DIS3L2: variants seen among roughly 807,000 people sequenced by gnomAD.
DIS3L2 encodes the protein DIS3 like 3'-5' exoribonuclease 2.
Under a neutral mutation model 97.5 loss-of-function variants are expected in DIS3L2, and 34 were observed. That is an observed-to-expected ratio of 0.35 (90% CI 0.27 to 0.46). The LOEUF is 0.46. DIS3L2 is among the 20% of genes least tolerant of loss of function. The pLI is 1.00. For synonymous variants in DIS3L2, 435 were observed against 445.2 expected (o/e 0.98, Z 0.29); for missense variants, 1,038 against 1,146.0 (o/e 0.91, Z 1.36).
intron 6 of DIS3L2, among the ~76,000 whole-genome samples, chr2:232,106,669 AC>A (rs2106328377): frequency 6.6e-6 from 1 of 152,320 alleles, no homozygotes; most frequent in South Asian, 2.1e-4. Flanking sequence ...AGACTTTAAC[AC>A]CCCACTGACA....
intron 7 of DIS3L2, chr2:232,131,504 G>C (rs1212806333): frequency 6.6e-6 from 1 of 151,962 alleles, no homozygotes; most frequent in Non-Finnish European, 1.5e-5. Flanking sequence ...GGCTGGTCTC[G>C]AACTCCTGAC....
intron 10 of DIS3L2, among the ~76,000 whole-genome samples, chr2:232,218,403 A>G (rs1487318080): frequency 6.6e-6 from 1 of 152,212 alleles, no homozygotes; most frequent in Non-Finnish European, 1.5e-5. Flanking sequence ...ATTTTTCTTC[A>G]GTAATTCTCA....
chr2:232,279,656 G>C (rs2106299486), intron 13 of DIS3L2, among the ~76,000 whole-genome samples: 1 of 152,144 alleles, frequency 6.6e-6, no homozygotes, highest in African/African-American at 2.4e-5. Flanking sequence ...AGCCTCCCAA[G>C]TAGCTGGGAT....
intron 1 of DIS3L2, among the ~76,000 whole-genome samples, chr2:232,012,004 C>T (rs1229324371): frequency 6.6e-6 from 1 of 152,182 alleles, no homozygotes; most frequent in Non-Finnish European, 1.5e-5. Context: ...CTTTCCATCT[C>T]CTTCTAGTGC....
In DIS3L2 at chr2:232,014,826, TG is replaced by T; in HGVS notation, c.-93-7del. 7.7e-7 allele frequency: 1 copy of T among 1,292,164 alleles called. No homozygotes were observed. Among genetic ancestry groups the T allele is most frequent in the Non-Finnish European group, 1.1e-6 (1 of 921,320 alleles). The allele number at this position is 1,292,164 out of a possible 1,614,324, so 80.0% of individuals were successfully genotyped here. A position where few individuals can be genotyped will look rare whatever the true frequency, so the allele number is the denominator to read the frequency against. ...CGCTCTCCAATTACCAATCTCTTCTTGGTTTCAGCGAATGACAACAGAGCTG... is the reference window on the plus strand; with the variant it reads ...CGCTCTCCAATTACCAATCTCTTCTTGTTTCAGCGAATGACAACAGAGCTG... On this transcript the variant is annotated splice_polypyrimidine_tract_variant and splice_region_variant and intron_variant, in intron 1 of 20. Transcript: ENST00000325385.
At chr2:232,099,111 T>C (rs1697120396) in intron 6 of DIS3L2, among the ~76,000 whole-genome samples, 1 of 152,242 alleles carries the variant, frequency 6.6e-6, no homozygotes, top group Non-Finnish European at 1.5e-5. Context: ...TTTCTGATGT[T>C]GAACCATCCT....
At chr2:232,047,557 T>G (rs182919427) in intron 5 of DIS3L2, among the ~76,000 whole-genome samples, 19 of 152,322 alleles carry the variant, frequency 1.2e-4, no homozygotes, top group Non-Finnish European at 1.9e-4. Context: ...TTTAAAAAAT[T>G]GAGATAAAAT....
chr2:231,995,888 A>G (rs1693717571), intron 1 of DIS3L2, among the ~76,000 whole-genome samples: 1 of 152,214 alleles, frequency 6.6e-6, no homozygotes, highest in East Asian at 1.9e-4. Context: ...AGTATAGATT[A>G]TTGGGTCCCA....
At chr2:232,063,133 G>A (rs116618600) in intron 5 of DIS3L2, among the ~76,000 whole-genome samples, 1,525 of 151,946 alleles carry the variant, frequency 0.01, 21 homozygotes, top group African/African-American at 0.034. Context: ...CCTCACTCAG[G>A]GCCTGGCTCC....
At chr2:232,275,320 G>C (rs529282885) in intron 13 of DIS3L2, among the ~76,000 whole-genome samples, 73 of 152,328 alleles carry the variant, frequency 4.8e-4, no homozygotes, top group African/African-American at 1.7e-3. Flanking sequence ...TAAGAAGGCA[G>C]ATGTCTTACT....
Position 231,994,021 on chromosome 2 carries a change from A to G in DIS3L2, c.-93-20814A>G, listed in dbSNP as rs746835302. ...TTATAGTTTTTGTATTAGATCTGGGATCCATTTTGAGTTAATTTTTATATA... is the reference window on the plus strand; with the variant it reads ...TTATAGTTTTTGTATTAGATCTGGGGTCCATTTTGAGTTAATTTTTATATA... On this transcript the variant is annotated intron_variant, in intron 1 of 20. Transcript: ENST00000325385. Among the ~76,000 whole-genome samples, 93 of 149,008 alleles carry G rather than the reference A, an allele frequency of 6.2e-4. 1 individual carries two copies. Among genetic ancestry groups the G allele is most frequent in the Non-Finnish European group, 1.3e-3 (85 of 67,526 alleles).
intron 7 of DIS3L2, among the ~76,000 whole-genome samples, chr2:232,134,163 TG>T (rs1304387212): frequency 6.6e-6 from 1 of 151,704 alleles, no homozygotes; most frequent in East Asian, 1.9e-4. Flanking sequence ...AAGTATAGAC[TG>T]AAAAAAATTG....
intron 7 of DIS3L2, among the ~76,000 whole-genome samples, chr2:232,133,098 T>C (rs1444262438): frequency 1.3e-5 from 2 of 152,026 alleles, no homozygotes; most frequent in Non-Finnish European, 2.9e-5. Flanking sequence ...GAGACTTCCC[T>C]CTCCCACTCA....
intron 10 of DIS3L2, among the ~76,000 whole-genome samples, chr2:232,221,649 C>T (rs1419964502): frequency 3.3e-5 from 5 of 151,892 alleles, no homozygotes; most frequent in Non-Finnish European, 7.4e-5. Flanking sequence ...ACTAAAAATA[C>T]AAAAATTAGC....
intron 3 of DIS3L2, among the ~76,000 whole-genome samples, chr2:232,023,297 A>G (rs1245112152): frequency 6.6e-6 from 1 of 152,218 alleles, no homozygotes; most frequent in Non-Finnish European, 1.5e-5. Flanking sequence ...TTGAGTGTTC[A>G]TGATATTGTA....
Position 232,335,795 on chromosome 2 carries a change from A to T in DIS3L2, c.2417A>T (p.His806Leu). 6.4e-7 allele frequency: 1 copy of T among 1,550,622 alleles called. No individual in the cohort carries two copies. The highest frequency in any genetic ancestry group is 8.7e-7 in the Non-Finnish European group (1 of 1,146,994). Residue 806 changes from histidine (H) to leucine (L), a missense_variant, in exon 20 of 21, where the codon CAC becomes CTC. Physicochemically the swap from His to Leu is moderately conservative, Grantham distance 99 (BLOSUM62 -3). Transcript: ENST00000325385. ...YCNALALRSH[H>L]FQKVGKKPEL... ...CAGGCACTGGCCCTGCGGTCCCACC[A>T]CTTCCAGAAGGTGGGCAAGAAGCCG...
rs562864093 is a variant in DIS3L2 at position 232,021,446 on chromosome 2, AT to A, written c.211-2817del. ...TGCCATCGGAAAGTGCGATATTTGA[AT>A]TTTTTTTTTTTTTGAGGTAGTGTCA... On this transcript the variant is annotated intron_variant, in intron 3 of 20. Coordinates refer to ENST00000325385, the MANE Select transcript of DIS3L2 (RefSeq NM_152383.5). Among the ~76,000 whole-genome samples the A allele has an allele frequency of 2.1e-3, 310 of 145,508 alleles. 1 individual carries two copies. Among genetic ancestry groups the A allele is most frequent in the Middle Eastern group, 7.2e-3 (2 of 278 alleles).
In DIS3L2 at chr2:232,244,615, G is replaced by A. The variant is rs146088287; in HGVS notation, c.1318-4624G>A. Among the ~76,000 whole-genome samples, 490 of 152,326 alleles carry A rather than the reference G, an allele frequency of 3.2e-3. 3 individuals carry two copies. Among genetic ancestry groups the A allele is most frequent in the African/African-American group, 0.011 (445 of 41,568 alleles). Reference sequence around the variant, plus strand: ...TCGTTGTGAGATGGCAGGAGACGAGGGCACACATGTAAAGTGAGTGGGCCT... The same window carrying A: ...TCGTTGTGAGATGGCAGGAGACGAGAGCACACATGTAAAGTGAGTGGGCCT... On this transcript the variant is annotated intron_variant, in intron 11 of 20. Coordinates refer to ENST00000325385, the MANE Select transcript of DIS3L2 (RefSeq NM_152383.5).
chr2:232,319,895 A>T (rs1695377649), intron 14 of DIS3L2, among the ~76,000 whole-genome samples: 1 of 152,232 alleles, frequency 6.6e-6, no homozygotes, highest in African/African-American at 2.4e-5. Context: ...CCTGCCTGAA[A>T]GGACTCAGGG....
Sources: gnomAD v4.1 joint callset for allele counts (sites outside exome capture counted in the v4.1 genomes callset) on GRCh38, gnomAD v4.1.1 for gene constraint, MANE v1.5 for transcripts, NCBI Gene and HGNC (gene_info 2026-07-23, HGNC 2026-07-21) for gene names.